Variants in RAB3GAP2 observed in about 807,000 individuals in gnomAD.
RAB3GAP2 encodes RAB3 GTPase activating non-catalytic protein subunit 2, also known as rab3 GTPase-activating protein non-catalytic subunit.
Under a neutral mutation model 185.3 loss-of-function variants are expected in RAB3GAP2, and 87 were observed. The ratio of observed to expected loss-of-function variants is 0.47; its 90% CI spans 0.39 to 0.56. The LOEUF (loss-of-function observed/expected upper bound fraction) is 0.56, where lower values mean the gene tolerates loss of function less well. Among genes scored for constraint, RAB3GAP2 ranks in the 20% least tolerant of loss-of-function variants. The probability of loss-of-function intolerance (pLI) is 0.00; values close to 1 mark genes in which losing one functional copy is unlikely to be tolerated. For synonymous variants in RAB3GAP2, 554 were observed against 576.1 expected, an observed-to-expected ratio of 0.96 and a Z score of 0.55; for missense variants, 1,492 against 1,638.2, an observed-to-expected ratio of 0.91 and a Z score of 1.54.
In RAB3GAP2 at chr1:220,148,717, A is replaced by C. The variant is rs1024437007; in HGVS notation, c.*2534T>G. The C allele has an allele frequency of 6.6e-6, 1 of 151,994 alleles. No individual in the cohort carries two copies. Among genetic ancestry groups the C allele is most frequent in the Non-Finnish European group, 1.5e-5 (1 of 68,018 alleles). 9.4% of individuals were successfully genotyped at this position (151,994 alleles called of 1,614,324 possible). ...CAGTGTTTACTTTGACCATAGATGA[A>C]GTTTTATAATAAAAGTAAAACTTTT... is the stretch of plus-strand genomic sequence containing the variant. On this transcript the variant is annotated 3_prime_UTR_variant, in exon 35 of 35. Transcript: ENST00000358951.
At chr1:220,211,280 T>G in intron 4 of RAB3GAP2, 1 of 584,128 alleles carries the variant, frequency 1.7e-6, no homozygotes, top group Non-Finnish European at 3.2e-6. Flanking sequence ...AAGCAAAACT[T>G]TACTTACACA....
intron 8 of RAB3GAP2, among the ~76,000 whole-genome samples, chr1:220,202,988 T>C (rs1349728767): frequency 6.6e-6 from 1 of 152,100 alleles, no homozygotes; most frequent in Non-Finnish European, 1.5e-5. Flanking sequence ...GAATTCAAAC[T>C]GCATGTGATG....
chr1:220,183,382 G>A (rs551692228), intron 19 of RAB3GAP2, among the ~76,000 whole-genome samples: 2 of 151,818 alleles, frequency 1.3e-5, no homozygotes, highest in African/African-American at 2.4e-5. Flanking sequence ...CTGAGTAGCC[G>A]GGACCACAAG....
intron 21 of RAB3GAP2, among the ~76,000 whole-genome samples, chr1:220,180,629 T>C (rs186304554): frequency 5.9e-5 from 9 of 152,192 alleles, no homozygotes; most frequent in Non-Finnish European, 1.2e-4. Flanking sequence ...CTGATGAATT[T>C]CCTGCTGAAT....
At chr1:220,186,663 C>T (rs1270827815) in intron 17 of RAB3GAP2, among the ~76,000 whole-genome samples, 1 of 152,154 alleles carries the variant, frequency 6.6e-6, no homozygotes, top group Admixed American at 6.5e-5. Context: ...TGGTTTCTTC[C>T]TTCCCTTTAG....
intron 1 of RAB3GAP2, among the ~76,000 whole-genome samples, chr1:220,249,882 G>A (rs919044418): frequency 6.6e-6 from 1 of 152,200 alleles, no homozygotes; most frequent in Admixed American, 6.5e-5. Context: ...CAAGAACTGA[G>A]GTTGAGGAAC....
chr1:220,266,926 G>T, intron 1 of RAB3GAP2: 2 of 1,589,100 alleles, frequency 1.3e-6, no homozygotes, highest in South Asian at 2.2e-5. Flanking sequence ...GTATGTATTT[G>T]CCTCAAAAGG....
Position 220,190,491 on chromosome 1 carries a change from C to T in RAB3GAP2, c.1517G>A (p.Gly506Asp). 6.2e-7 allele frequency: 1 copy of T among 1,605,362 alleles called. No individual in the cohort carries two copies. Among genetic ancestry groups the T allele is most frequent in the Non-Finnish European group, 8.5e-7 (1 of 1,172,100 alleles). The part of the protein sequence containing the change: ...RLLYPGYKIM[G>D]LNNVTSQSWQ... ...ACTCTGACTGGTAACATTATTTAAA[C>T]CCATTATTTTATAGCCAGGATACAG... The change falls in exon 15 of 35, where the codon GGT becomes GAT. Residue 506 changes from glycine to aspartate, a missense_variant. By Grantham distance (94) the Gly-to-Asp change is moderately conservative. Around this residue, in one of 5 missense-constraint regions of RAB3GAP2, gnomAD observed 681 missense variants for 689.1 expected, o/e 0.99. Coordinates refer to ENST00000358951, the MANE Select transcript of RAB3GAP2 (RefSeq NM_012414.4).
At chr1:220,166,862 A>G (rs890683312) in intron 26 of RAB3GAP2, among the ~76,000 whole-genome samples, 2 of 152,216 alleles carry the variant, frequency 1.3e-5, no homozygotes, top group Non-Finnish European at 2.9e-5. Context: ...TTTTATCACG[A>G]TGACTATAAT....
chr1:220,223,871 C>T (rs1345673141), intron 2 of RAB3GAP2, among the ~76,000 whole-genome samples: 1 of 151,324 alleles, frequency 6.6e-6, no homozygotes, highest in Non-Finnish European at 1.5e-5. Context: ...TAAAATCCAG[C>T]CTGGGCAACA....
chr1:220,152,279 G>A (rs999912619), intron 33 of RAB3GAP2, among the ~76,000 whole-genome samples: 1 of 152,092 alleles, frequency 6.6e-6, no homozygotes, highest in African/African-American at 2.4e-5. Flanking sequence ...GTTTCACCAT[G>A]TTGCCCAGGC....
chr1:220,205,089 C>G (rs896981965), intron 8 of RAB3GAP2, among the ~76,000 whole-genome samples: 1 of 152,052 alleles, frequency 6.6e-6, no homozygotes, highest in East Asian at 1.9e-4. Flanking sequence ...AAATTGAGAT[C>G]TGAAAATTGA....
chr1:220,209,579 CTGAT>C (rs1571902170), intron 7 of RAB3GAP2, among the ~76,000 whole-genome samples: 1 of 152,122 alleles, frequency 6.6e-6, no homozygotes, highest in African/African-American at 2.4e-5. Context: ...CTTTATATTA[CTGAT>C]TAATTCATCC....
At chr1:220,175,302 C>T (rs989082419) in intron 21 of RAB3GAP2, among the ~76,000 whole-genome samples, 3 of 151,936 alleles carry the variant, frequency 2.0e-5, no homozygotes, top group Non-Finnish European at 2.9e-5. Context: ...TCTTGGCTCA[C>T]GACAGCCTCC....
At chr1:220,170,537 T>A (rs987282929) in intron 24 of RAB3GAP2, among the ~76,000 whole-genome samples, 1 of 152,178 alleles carries the variant, frequency 6.6e-6, no homozygotes, top group African/African-American at 2.4e-5. Flanking sequence ...GATTCTCCAA[T>A]CAGTTTTGCC....
rs1658594136 is a variant in RAB3GAP2, at chr1:220,190,445, C to T, written c.1563G>A (p.Gln521=). ...TSQSWQPQTY[Q]ICLVDPVSGS... The stretch of plus-strand genomic sequence containing the variant: ...CAGACACTGGATCAACCAGACAGAT[C>T]TGATAAGTCTGTGGCTGCCAACTCT... The change falls in exon 15 of 35, where the codon CAG becomes CAA. Residue 521 remains glutamine (Q), a synonymous_variant. Coordinates refer to ENST00000358951, the MANE Select transcript of RAB3GAP2 (RefSeq NM_012414.4). 1 of 1,613,362 alleles carries T rather than the reference C, an allele frequency of 6.2e-7. No individual in the cohort carries two copies. The highest frequency in any genetic ancestry group is 1.3e-5 in the African/African-American group (1 of 75,010).
chr1:220,219,658 G>C (rs1474445749), intron 2 of RAB3GAP2: 2 of 152,202 alleles, frequency 1.3e-5, no homozygotes, highest in Admixed American at 6.5e-5. Context: ...AGAATAAAGA[G>C]TGTGAGTCCA....
At chr1:220,163,386 A>G (rs1657999978) in intron 27 of RAB3GAP2, among the ~76,000 whole-genome samples, 2 of 135,662 alleles carry the variant, frequency 1.5e-5, no homozygotes, top group Non-Finnish European at 1.6e-5. Context: ...TTTTTTTTTG[A>G]GACGGAGTCT....
intron 17 of RAB3GAP2, among the ~76,000 whole-genome samples, chr1:220,186,371 T>C (rs929386134): frequency 6.6e-6 from 1 of 152,190 alleles, no homozygotes; most frequent in Non-Finnish European, 1.5e-5. Context: ...TTAATGAGAT[T>C]AAATAGTTCA....
Sources: gnomAD v4.1 joint callset for allele counts (sites outside exome capture counted in the v4.1 genomes callset) on GRCh38, gnomAD v4.1.1 for gene constraint, gnomAD v4.1.1 regional missense constraint, MANE v1.5 for transcripts, NCBI Gene and HGNC (gene_info 2026-07-23, HGNC 2026-07-21) for gene names.